The following XPOT variants were observed in gnomAD, a reference collection of about 807,000 sequenced individuals.
The protein encoded by XPOT is exportin for tRNA, also known as exportin-T.
In XPOT, 34 loss-of-function variants were observed where a neutral mutation model predicts 128.2. The observed-to-expected ratio is 0.27, with a 90% CI of 0.20 to 0.35. The LOEUF is 0.35. Ranked by LOEUF, XPOT falls within the 10% of genes least tolerant of loss-of-function variation. The pLI is 1.00. For missense variants in XPOT, 838 were observed against 1,125.3 expected (o/e 0.74, Z 3.65); for synonymous variants, 348 against 394.3 (o/e 0.88, Z 1.39).
chr12:64,409,979 T>A lies in XPOT; in HGVS notation c.-57T>A. The A allele has an allele frequency of 7.0e-7, 1 of 1,432,340 alleles. No homozygotes were observed. Among genetic ancestry groups the A allele is most frequent in the South Asian group, 1.2e-5 (1 of 84,352 alleles). The allele number at this position is 1,432,340 out of a possible 1,614,324, so 88.7% of individuals were successfully genotyped here. ...TGTGGCAGATGTTTATAAATTCTTCTGTGGGATCAGAGGGCACGCCTATTA... is the reference window on the plus strand; with the variant it reads ...TGTGGCAGATGTTTATAAATTCTTCAGTGGGATCAGAGGGCACGCCTATTA... On this transcript the variant is annotated 5_prime_UTR_variant, in exon 2 of 25. Coordinates refer to ENST00000332707, the MANE Select transcript of XPOT (RefSeq NM_007235.6).
At chr12:64,445,944 A>G (rs1379649177) in intron 24 of XPOT, among the ~76,000 whole-genome samples, 2 of 152,226 alleles carry the variant, frequency 1.3e-5, no homozygotes, top group Non-Finnish European at 2.9e-5. Context: ...TGCGCAGTAA[A>G]TAATTTAAGT....
chr12:64,413,799 A>C (rs905826294), intron 2 of XPOT, among the ~76,000 whole-genome samples: 1 of 152,208 alleles, frequency 6.6e-6, no homozygotes, highest in Non-Finnish European at 1.5e-5. Context: ...TAACTAAAAC[A>C]AGTTACAGAA....
At chr12:64,418,428 G>A (rs946964746) in intron 5 of XPOT, among the ~76,000 whole-genome samples, 2 of 152,132 alleles carry the variant, frequency 1.3e-5, no homozygotes, top group African/African-American at 4.8e-5. Context: ...CTCCTGGACA[G>A]CCTCTCCACC....
At chr12:64,423,450 C>T (rs2040160470) in intron 11 of XPOT, among the ~76,000 whole-genome samples, 1 of 151,918 alleles carries the variant, frequency 6.6e-6, no homozygotes, top group Admixed American at 6.6e-5. Flanking sequence ...AACAACCACC[C>T]CCCCTCCTTT....
intron 11 of XPOT, among the ~76,000 whole-genome samples, chr12:64,424,103 G>A (rs887118930): frequency 6.6e-5 from 10 of 152,120 alleles, no homozygotes; most frequent in African/African-American, 2.2e-4. Context: ...AACACACTGC[G>A]CACCTGGGAT....
At position 64,423,053 on chromosome 12, in the gene XPOT, T is replaced by C. The variant is rs2040154536; in HGVS notation, c.1119+10T>C. ...AAAAGCTAATGTAGAGGTAATTGAC[T>C]TTATGCTTCTTTTAAACCAATGATA... is the stretch of plus-strand genomic sequence containing the variant. On this transcript the variant is annotated intron_variant, in intron 10 of 24. Transcript: ENST00000332707. 2.5e-6 allele frequency: 4 copies of C among 1,612,840 alleles called. No homozygotes were observed. The highest frequency in any genetic ancestry group is 3.3e-5 in the Admixed American group (2 of 59,806).
At chr12:64,405,614 T>G (rs555969759) in intron 1 of XPOT, among the ~76,000 whole-genome samples, 26 of 152,328 alleles carry the variant, frequency 1.7e-4, no homozygotes, top group African/African-American at 5.3e-4. Context: ...AAACATTTTT[T>G]GGGGTTTTGT....
At chr12:64,409,748 A>G (rs1347812231) in intron 1 of XPOT, 4 of 318,288 alleles carry the variant, frequency 1.3e-5, no homozygotes, top group African/African-American at 8.7e-5. Flanking sequence ...AAAAAAAATC[A>G]GATTTTTAGG....
chr12:64,409,987 C>G lies in XPOT; in HGVS notation c.-49C>G. 6.6e-7 allele frequency: 1 copy of G among 1,504,362 alleles called. No individual in the cohort carries two copies. The highest frequency in any genetic ancestry group is 2.3e-5 in the East Asian group (1 of 44,258). The allele number at this position is 1,504,362 out of a possible 1,614,324, so 93.2% of individuals were successfully genotyped here. On this transcript the variant is annotated 5_prime_UTR_variant, in exon 2 of 25. It adds an upstream start codon to the 5' untranslated region. Coordinates refer to ENST00000332707, the MANE Select transcript of XPOT (RefSeq NM_007235.6). ...ATGTTTATAAATTCTTCTGTGGGAT[C>G]AGAGGGCACGCCTATTACAACCAGA...
At chr12:64,430,436 T>G in intron 17 of XPOT, 149 bp downstream of exon 17, 1 of 726,228 alleles carries the variant, frequency 1.4e-6, no homozygotes, top group Non-Finnish European at 2.2e-6. Flanking sequence ...TCAGTTAGAT[T>G]TGGTTGAAGA....
intron 23 of XPOT, among the ~76,000 whole-genome samples, chr12:64,440,380 C>G (rs1208390087): frequency 6.6e-6 from 1 of 152,126 alleles, no homozygotes; most frequent in African/African-American, 2.4e-5. Context: ...CTGATAGATT[C>G]ATTGGGGCTA....
chr12:64,414,402 T>G (rs1377692087), intron 2 of XPOT, among the ~76,000 whole-genome samples: 1 of 152,200 alleles, frequency 6.6e-6, no homozygotes, highest in South Asian at 2.1e-4. Flanking sequence ...ATGATATAAT[T>G]AAAGACTTGA....
chr12:64,435,580 T>C (rs748229300), intron 21 of XPOT, 47 bp from the exon 22 acceptor site: 1 of 1,528,684 alleles, frequency 6.5e-7, no homozygotes, highest in South Asian at 1.2e-5. Flanking sequence ...GCTGGATCAC[T>C]AAACAAGAAT....
chr12:64,417,152 G>A (rs936767217), intron 4 of XPOT, among the ~76,000 whole-genome samples: 1 of 152,212 alleles, frequency 6.6e-6, no homozygotes, highest in South Asian at 2.1e-4. Context: ...GGGAGGCGGA[G>A]GTTGCAGTGA....
intron 11 of XPOT, 112 bp from the exon 12 acceptor site, chr12:64,424,487 T>C: frequency 9.8e-7 from 1 of 1,022,962 alleles, no homozygotes; most frequent in Non-Finnish European, 1.3e-6. Context: ...AGTTTTGGGG[T>C]ACATGTGCAG....
chr12:64,405,380 G>A (rs1298550782), intron 1 of XPOT: 1 of 152,070 alleles, frequency 6.6e-6, no homozygotes, highest in Non-Finnish European at 1.5e-5. Context: ...GGCGGGGGTT[G>A]GGGGAGAGTT....
chr12:64,427,913 A>G (rs1036021170), intron 15 of XPOT, 138 bp from the exon 16 acceptor site: 2 of 639,074 alleles, frequency 3.1e-6, no homozygotes, highest in African/African-American at 3.7e-5. Flanking sequence ...TTTAAAAATT[A>G]ACCATAGCTA....
intron 23 of XPOT, chr12:64,442,819 T>C (rs1337298765): frequency 6.3e-6 from 1 of 158,984 alleles, no homozygotes; most frequent in Non-Finnish European, 1.4e-5. Flanking sequence ...TTCTTAAACA[T>C]CATGATCTGC....
chr12:64,430,881 T>G (rs766021145), intron 17 of XPOT, among the ~76,000 whole-genome samples: 2 of 152,230 alleles, frequency 1.3e-5, no homozygotes, highest in Admixed American at 1.3e-4. Flanking sequence ...CTAGTCATAA[T>G]AAGTGGATTT....
Sources: gnomAD v4.1 joint callset for allele counts (sites outside exome capture counted in the v4.1 genomes callset) on GRCh38, gnomAD v4.1.1 for gene constraint, MANE v1.5 for transcripts, NCBI Gene and HGNC (gene_info 2026-07-23, HGNC 2026-07-21) for gene names.